The following TESPA1 variants were observed in gnomAD, a reference collection of about 807,000 sequenced individuals.
TESPA1 encodes protein TESPA1.
A neutral mutation model predicts 57.9 loss-of-function variants in TESPA1; 33 were observed. That is an observed-to-expected ratio of 0.57 (90% confidence interval 0.43 to 0.76). TESPA1 has a LOEUF of 0.76. TESPA1 is among the 30% of genes least tolerant of loss of function. The pLI, the probability that TESPA1 is intolerant of heterozygous loss-of-function variation, is 0.00. For synonymous variants in TESPA1, 227 were observed against 228.9 expected (o/e 0.99, Z 0.07); for missense variants, 618 against 632.9 (o/e 0.98, Z 0.25).
chr12:54,962,478 G>A lies in TESPA1; in HGVS notation c.1420C>T (p.Arg474Cys), dbSNP rs533904016. Residue 474 changes from arginine (R) to cysteine (C), a missense_variant, in exon 9 of 11, where the codon CGT becomes TGT. Coordinates refer to ENST00000449076, the MANE Select transcript of TESPA1 (RefSeq NM_001136030.3). ...WKQSVDRPEL[R>C]RSLSQQPQDT... ...TGTGGCTGCTGGCTTAAAGACCGAC[G>A]CAGTTCTGGTCTGTCTACACTCTGC... is the stretch of plus-strand genomic sequence containing the variant. 28 of 1,612,768 alleles carry A rather than the reference G, an allele frequency of 1.7e-5. No homozygotes were observed. Among genetic ancestry groups the A allele is most frequent in the South Asian group, 9.9e-5 (9 of 91,026 alleles).
chr12:54,962,519 G>A lies in TESPA1; in HGVS notation c.1379C>T (p.Thr460Ile). 2 of 1,613,646 alleles carry A rather than the reference G, an allele frequency of 1.2e-6. No individual in the cohort carries two copies. Among genetic ancestry groups the A allele is most frequent in the Non-Finnish European group, 1.7e-6 (2 of 1,179,894 alleles). ...RKVKSLDLSI[T>I]QQKWKQSVDR... ...TACACTCTGCTTCCATTTCTGCTGG[G>A]TGATGGACAGGTCCAAGGACTTAAC... Residue 460 changes from threonine (T) to isoleucine (I), a missense_variant, in exon 9 of 11, where the codon ACC becomes ATC. By Grantham distance (89) the Thr-to-Ile change is moderately conservative (BLOSUM62 -1). Transcript: ENST00000449076.
At chr12:54,953,752 C>T (rs1229367862) in intron 10 of TESPA1, among the ~76,000 whole-genome samples, 1 of 152,086 alleles carries the variant, frequency 6.6e-6, no homozygotes, top group Non-Finnish European at 1.5e-5. Context: ...AATCTCCTGA[C>T]CTCGTGATCT....
intron 3 of TESPA1, among the ~76,000 whole-genome samples, chr12:54,968,770 T>C (rs1289599295): frequency 6.6e-6 from 1 of 152,096 alleles, no homozygotes; most frequent in East Asian, 1.9e-4. Context: ...GCTTTAAATG[T>C]AATCTCAAGT....
At chr12:54,974,663 T>C in intron 1 of TESPA1, 56 bp from the exon 2 acceptor site, 1 of 1,286,858 alleles carries the variant, frequency 7.8e-7, no homozygotes, top group Non-Finnish European at 1.0e-6. Flanking sequence ...ACCATCATGA[T>C]GCTCAGGGTT....
chr12:54,978,027 T>C (rs975438137), intron 1 of TESPA1, among the ~76,000 whole-genome samples: 3 of 152,266 alleles, frequency 2.0e-5, no homozygotes, highest in Admixed American at 1.3e-4. Context: ...TTGTTTTTTT[T>C]TCTGTGGAAA....
At chr12:54,960,326 T>G (rs1486429629) in intron 10 of TESPA1, among the ~76,000 whole-genome samples, 6 of 152,086 alleles carry the variant, frequency 3.9e-5, no homozygotes, top group Non-Finnish European at 7.4e-5. Context: ...TCTGAAAAAA[T>G]TAATACTGAA....
chr12:54,959,688 T>C (rs1950958617), intron 10 of TESPA1, among the ~76,000 whole-genome samples: 1 of 152,216 alleles, frequency 6.6e-6, no homozygotes, highest in Admixed American at 6.5e-5. Flanking sequence ...TTCTCTAATT[T>C]GAGGAGAAGT....
intron 10 of TESPA1, among the ~76,000 whole-genome samples, chr12:54,954,102 C>T (rs1173807231): frequency 6.6e-6 from 1 of 152,152 alleles, no homozygotes; most frequent in Non-Finnish European, 1.5e-5. Context: ...TCAAGGCACA[C>T]AGTAAATGAA....
chr12:54,978,588 C>T (rs986850501), intron 1 of TESPA1, among the ~76,000 whole-genome samples: 1 of 152,178 alleles, frequency 6.6e-6, no homozygotes, highest in Non-Finnish European at 1.5e-5. Context: ...AGCTCCTGCA[C>T]ATGCGACCTT....
chr12:54,959,793 C>T (rs983694584), intron 10 of TESPA1, among the ~76,000 whole-genome samples: 2 of 152,090 alleles, frequency 1.3e-5, no homozygotes, highest in East Asian at 1.9e-4. Flanking sequence ...GTGGAGTGGC[C>T]GCTTCTAGCT....
chr12:54,983,254 G>C (rs964444711), intron 1 of TESPA1, among the ~76,000 whole-genome samples: 1 of 152,120 alleles, frequency 6.6e-6, no homozygotes, highest in Admixed American at 6.5e-5. Context: ...TGTTGGTAGC[G>C]TGGTTGTAAA....
chr12:54,973,360 T>G, intron 3 of TESPA1, 117 bp downstream of exon 3: 1 of 1,465,342 alleles, frequency 6.8e-7, no homozygotes, highest in Non-Finnish European at 9.5e-7. Flanking sequence ...CAACCTTACT[T>G]CTAATCTTTA....
intron 2 of TESPA1, 124 bp downstream of exon 2, chr12:54,974,276 G>T: frequency 2.6e-6 from 2 of 783,430 alleles, no homozygotes; most frequent in South Asian, 4.7e-5. Flanking sequence ...ATTTAAACCA[G>T]TCAAAACAGT....
chr12:54,969,735 C>A (rs1451505547), intron 3 of TESPA1, among the ~76,000 whole-genome samples: 1 of 152,106 alleles, frequency 6.6e-6, no homozygotes, highest in Non-Finnish European at 1.5e-5. Context: ...TTATATGACT[C>A]TATTTCTATA....
intron 3 of TESPA1, among the ~76,000 whole-genome samples, chr12:54,970,704 C>G (rs1435412244): frequency 6.6e-6 from 1 of 152,130 alleles, no homozygotes; most frequent in Non-Finnish European, 1.5e-5. Flanking sequence ...CTTTTCCCAC[C>G]CTTGCATTGA....
At chr12:54,959,164 T>C (rs1311524237) in intron 10 of TESPA1, among the ~76,000 whole-genome samples, 1 of 152,196 alleles carries the variant, frequency 6.6e-6, no homozygotes, top group Non-Finnish European at 1.5e-5. Flanking sequence ...TATGGTTAGG[T>C]CTCAGTCTTC....
intron 3 of TESPA1, among the ~76,000 whole-genome samples, chr12:54,968,927 C>T (rs946499704): frequency 1.1e-4 from 16 of 150,954 alleles, no homozygotes; most frequent in Admixed American, 7.9e-4. Flanking sequence ...CACTTCATGG[C>T]GTGTGTAACA....
intron 10 of TESPA1, among the ~76,000 whole-genome samples, chr12:54,959,046 C>T (rs1026579923): frequency 6.6e-6 from 1 of 151,962 alleles, no homozygotes; most frequent in African/African-American, 2.4e-5. Context: ...TTTACTATGT[C>T]TTTTTTTTAC....
chr12:54,953,978 T>A (rs985209190), intron 10 of TESPA1, among the ~76,000 whole-genome samples: 1 of 152,256 alleles, frequency 6.6e-6, no homozygotes, highest in African/African-American at 2.4e-5. Flanking sequence ...AAGCATCCTG[T>A]GAACATTTCT....
Sources: allele counts gnomAD v4.1 joint callset (sites outside exome capture counted in the v4.1 genomes callset), GRCh38; gene constraint gnomAD v4.1.1; transcripts MANE v1.5; gene names NCBI Gene and HGNC (gene_info 2026-07-23, HGNC 2026-07-21).